The following TFEC variants were observed in gnomAD, a reference collection of about 807,000 sequenced individuals.
TFEC encodes class E basic helix-loop-helix protein 34.
Under a neutral mutation model 41.6 loss-of-function variants are expected in TFEC, and 31 were observed. That is an observed-to-expected ratio of 0.74 (90% CI 0.56 to 1.01). The LOEUF (loss-of-function observed/expected upper bound fraction) is 1.01. TFEC is among the 50% of genes least tolerant of loss of function. The pLI is 0.00. For missense variants in TFEC, 402 were observed against 404.1 expected (o/e 0.99, Z 0.04); for synonymous variants, 143 against 140.6 (o/e 1.02, Z -0.12).
upstream of TFEC, among the ~76,000 whole-genome samples, chr7:116,035,167 T>C (rs774323725): frequency 6.6e-5 from 10 of 152,016 alleles, no homozygotes; most frequent in Admixed American, 2.0e-4. Flanking sequence ...TTCCCTTTAT[T>C]TATAATCATA....
chr7:115,978,205 G>A (rs935583681), intron 2 of TFEC, among the ~76,000 whole-genome samples: 1 of 151,976 alleles, frequency 6.6e-6, no homozygotes, highest in Non-Finnish European at 1.5e-5. Context: ...GTTAAAAAAG[G>A]TATCATAAAT....
chr7:116,077,434 T>A (rs1261867662), intron 3 of TFEC, among the ~76,000 whole-genome samples: 1 of 152,052 alleles, frequency 6.6e-6, no homozygotes, highest in Non-Finnish European at 1.5e-5. Context: ...TCAATGCTAA[T>A]GTTGAATGTA....
At chr7:116,081,607 C>G (rs2131058184) in intron 3 of TFEC, among the ~76,000 whole-genome samples, 1 of 152,142 alleles carries the variant, frequency 6.6e-6, no homozygotes, top group South Asian at 2.1e-4. Flanking sequence ...AACCCACTGC[C>G]TACACACTCG....
Position 116,038,304 on chromosome 7 carries a change from G to C in TFEC, c.199-53791C>G, listed in dbSNP as rs562455736. ...CTTGTCTTTAACATGCAATCTCTGT[G>C]TCCTTTTCCCTTTTGCCAGACAGGT... On this transcript the variant is annotated intron_variant, in intron 3 of 8. Coordinates refer to the TFEC transcript ENST00000484212. 6.6e-5 allele frequency among the ~76,000 whole-genome samples: 10 copies of C among 151,986 alleles called. No individual in the cohort carries two copies. In the East Asian group the frequency reaches 1.9e-3, roughly 29 times the overall value.
chr7:116,148,466 T>C (rs1798688414), intron 1 of TFEC, among the ~76,000 whole-genome samples: 1 of 151,910 alleles, frequency 6.6e-6, no homozygotes, highest in South Asian at 2.1e-4. Context: ...TGGTGAGAAG[T>C]GGTTGTTTCA....
intron 1 of TFEC, among the ~76,000 whole-genome samples, chr7:116,027,101 A>G (rs1362449145): frequency 6.6e-6 from 1 of 152,180 alleles, no homozygotes; most frequent in Non-Finnish European, 1.5e-5. Flanking sequence ...AAGGGAACAG[A>G]GTGTTAACAT....
intron 6 of TFEC, among the ~76,000 whole-genome samples, chr7:115,942,279 G>A (rs1187629982): frequency 6.6e-6 from 1 of 151,912 alleles, no homozygotes; most frequent in Non-Finnish European, 1.5e-5. Context: ...TTTTGTGGGA[G>A]AGCTAAATGC....
At chr7:116,060,503 C>T (rs1796528835) in intron 3 of TFEC, among the ~76,000 whole-genome samples, 2 of 152,132 alleles carry the variant, frequency 1.3e-5, no homozygotes. Context: ...AAATGTGGTA[C>T]ATATACACCA....
intron 1 of TFEC, among the ~76,000 whole-genome samples, chr7:116,015,284 C>T (rs967106269): frequency 5.9e-5 from 9 of 151,918 alleles, no homozygotes; most frequent in African/African-American, 2.2e-4. Context: ...GGTCAGTTTC[C>T]TAAATCTAAT....
At chr7:115,944,421 A>G (rs1410956051) in intron 6 of TFEC, among the ~76,000 whole-genome samples, 2 of 151,446 alleles carry the variant, frequency 1.3e-5, no homozygotes, top group African/African-American at 4.8e-5. Flanking sequence ...AGAGATTGTC[A>G]TTGCCTGGTC....
intron 3 of TFEC, among the ~76,000 whole-genome samples, chr7:116,098,185 A>T (rs1255959131): frequency 1.3e-5 from 2 of 152,076 alleles, no homozygotes; most frequent in Non-Finnish European, 2.9e-5. Context: ...TTTGAGACGG[A>T]GTCTCACTCT....
intron 1 of TFEC, among the ~76,000 whole-genome samples, chr7:116,022,683 G>A (rs189137261): frequency 4.6e-4 from 70 of 152,268 alleles, no homozygotes; most frequent in Non-Finnish European, 9.0e-4. Flanking sequence ...TTCAAATATA[G>A]TATTTTGTAA....
chr7:116,088,415 G>A (rs4730709), intron 3 of TFEC, among the ~76,000 whole-genome samples: 23,697 of 151,986 alleles, frequency 0.16, 1,999 homozygotes, highest in East Asian at 0.33. Flanking sequence ...AAATATTTGC[G>A]ATAATTAGAA....
At chr7:115,965,696 C>A (rs551433807) in intron 3 of TFEC, among the ~76,000 whole-genome samples, 3 of 151,570 alleles carry the variant, frequency 2.0e-5, no homozygotes, top group South Asian at 2.1e-4. Context: ...ATCAGTGCTG[C>A]TCTATAAGAA....
chr7:116,115,638 C>T (rs988096030), intron 1 of TFEC, among the ~76,000 whole-genome samples: 3 of 151,954 alleles, frequency 2.0e-5, no homozygotes, highest in African/African-American at 7.2e-5. Flanking sequence ...CCTCAACATC[C>T]TTAACTTAAT....
intron 1 of TFEC, among the ~76,000 whole-genome samples, chr7:116,149,132 A>G (rs1037601397): frequency 3.9e-5 from 6 of 152,212 alleles, no homozygotes; most frequent in African/African-American, 1.4e-4. Flanking sequence ...ATGAAAAAAT[A>G]ATTATTAGAG....
At chr7:115,970,639 A>G (rs1053131024) in intron 3 of TFEC, among the ~76,000 whole-genome samples, 31 of 152,118 alleles carry the variant, frequency 2.0e-4, no homozygotes, top group African/African-American at 6.3e-4. Flanking sequence ...AGCTATTTAG[A>G]GAAGAAAAGT....
At chr7:115,946,397 G>A (rs1312523811) in intron 6 of TFEC, among the ~76,000 whole-genome samples, 2 of 12,122 alleles carry the variant, frequency 1.6e-4, no homozygotes, top group Admixed American at 1.2e-3. Flanking sequence ...GAAACATAAC[G>A]TGTGTGTGTG....
At chr7:116,078,127 C>T (rs528826583) in intron 3 of TFEC, among the ~76,000 whole-genome samples, 48 of 152,100 alleles carry the variant, frequency 3.2e-4, no homozygotes, top group Middle Eastern at 3.4e-3. Context: ...AAAAGGAACC[C>T]TCAAAACCAC....
Sources: allele counts gnomAD v4.1 joint callset (sites outside exome capture counted in the v4.1 genomes callset), GRCh38; gene constraint gnomAD v4.1.1; transcripts MANE v1.5; gene names NCBI Gene and HGNC (gene_info 2026-07-23, HGNC 2026-07-21).